SLC36A1: variants seen among roughly 807,000 people sequenced by gnomAD.
SLC36A1 encodes solute carrier family 36 member 1.
SLC36A1 carries 30 observed loss-of-function variants against 47.5 expected under a neutral mutation model. The observed-to-expected ratio is 0.63, with a 90% CI of 0.47 to 0.86. SLC36A1 has a LOEUF of 0.86. SLC36A1 is among the 40% of genes least tolerant of loss of function. The probability of loss-of-function intolerance (pLI) is 0.00; values close to 1 mark genes in which losing one functional copy is unlikely to be tolerated. For missense variants in SLC36A1, 517 were observed against 606.0 expected, an observed-to-expected ratio of 0.85 and a Z score of 1.54; for synonymous variants, 255 against 249.7, an observed-to-expected ratio of 1.02 and a Z score of -0.20.
the SLC36A1 span, among the ~76,000 whole-genome samples, chr5:151,515,544 T>G: frequency 1.3e-5 from 2 of 152,168 alleles, no homozygotes; most frequent in African/African-American, 4.8e-5. Context: ...TCCCCAAACC[T>G]TGTATCCACC....
At chr5:151,534,701 G>T in the SLC36A1 span, 1 of 1,453,028 alleles carries the variant, frequency 6.9e-7, no homozygotes, top group Non-Finnish European at 9.6e-7. Flanking sequence ...CCAAGCATGT[G>T]CCCTCTATAT....
At chr5:151,387,106 G>A in the SLC36A1 span, 1 of 152,320 alleles carries the variant, frequency 6.6e-6, no homozygotes, top group African/African-American at 2.4e-5. Context: ...AGTCTACCAT[G>A]AGGGTTCAGC....
the SLC36A1 span, among the ~76,000 whole-genome samples, chr5:151,383,641 C>T: frequency 3.4e-5 from 5 of 145,762 alleles, no homozygotes; most frequent in Non-Finnish European, 5.9e-5. Context: ...GGCACCATCT[C>T]GGCTCACTGC....
chr5:151,393,022 C>A, the SLC36A1 span, among the ~76,000 whole-genome samples: 4 of 151,596 alleles, frequency 2.6e-5, no homozygotes, highest in African/African-American at 7.3e-5. Flanking sequence ...TCCCATTATT[C>A]TTGTGTGGGA....
the SLC36A1 span, chr5:151,550,733 T>C: frequency 6.2e-7 from 1 of 1,614,196 alleles, no homozygotes; most frequent in East Asian, 2.2e-5. Context: ...ATGAGGCTTT[T>C]GCCCTTGTCT....
intron 7 of SLC36A1, among the ~76,000 whole-genome samples, chr5:151,468,251 C>CAA (rs1214176868): frequency 0.037 from 1,139 of 31,168 alleles, 106 homozygotes; most frequent in South Asian, 0.053. Flanking sequence ...GACTCTGTCT[C>CAA]AAAAAAAAAA....
At chr5:151,534,898 T>C in the SLC36A1 span, among the ~76,000 whole-genome samples, 3 of 149,844 alleles carry the variant, frequency 2.0e-5, no homozygotes, top group African/African-American at 7.3e-5. Flanking sequence ...ATATTCTTAA[T>C]GGCCAATTAG....
chr5:151,421,252 C>CT, the SLC36A1 span, among the ~76,000 whole-genome samples: 22 of 116,458 alleles, frequency 1.9e-4, no homozygotes, highest in Non-Finnish European at 2.4e-4. Context: ...TCTCTTTCTT[C>CT]TTTTTTTTTT....
upstream of SLC36A1, among the ~76,000 whole-genome samples, chr5:151,433,221 CATATATATATATATATATATATATATAT>C (rs1370126169): frequency 8.8e-3 from 152 of 17,354 alleles, 3 homozygotes; most frequent in East Asian, 0.039. Context: ...TTCTGAATAA[CATATATATATATATATATATATATATAT>C]ATATATATAT....
the SLC36A1 span, chr5:151,553,124 G>A: frequency 2.6e-6 from 4 of 1,545,566 alleles, no homozygotes; most frequent in Admixed American, 1.7e-5. Flanking sequence ...ACTAGAGCTG[G>A]TGTATAAGGA....
the SLC36A1 span, among the ~76,000 whole-genome samples, chr5:151,403,402 G>A: frequency 7.4e-3 from 1,125 of 152,122 alleles, 19 homozygotes; most frequent in African/African-American, 0.026. Context: ...CCATCCCCTT[G>A]GTACTACTAT....
At chr5:151,504,646 A>C in the SLC36A1 span, 1 of 152,676 alleles carries the variant, frequency 6.5e-6, no homozygotes, top group East Asian at 1.9e-4. Flanking sequence ...AATCCCATTG[A>C]GGAAACTCAT....
chr5:151,459,047 A>T, intron 2 of SLC36A1, 112 bp downstream of exon 2: 1 of 1,207,294 alleles, frequency 8.3e-7, no homozygotes. Flanking sequence ...GATGAAGGTC[A>T]GCAGTGAAGA....
At chr5:151,413,589 G>A in the SLC36A1 span, among the ~76,000 whole-genome samples, 1 of 151,868 alleles carries the variant, frequency 6.6e-6, no homozygotes, top group Non-Finnish European at 1.5e-5. Context: ...TTTTACTGAT[G>A]GTCACATAAC....
the SLC36A1 span, chr5:151,507,068 A>G: frequency 8.1e-7 from 1 of 1,234,242 alleles, no homozygotes; most frequent in East Asian, 2.3e-5. Context: ...GTAGCTAAAA[A>G]TGCCTGTGCC....
chr5:151,520,932 CAG>C, the SLC36A1 span, among the ~76,000 whole-genome samples: 1 of 152,192 alleles, frequency 6.6e-6, no homozygotes, highest in Admixed American at 6.5e-5. Flanking sequence ...CTCAAAGGCA[CAG>C]AGAGGTTAAT....
At position 151,479,655 on chromosome 5, in the gene SLC36A1, G is replaced by A. The variant is rs1029938843; in HGVS notation, c.1159+166G>A. On this transcript the variant is annotated intron_variant, in intron 10 of 10. Transcript: ENST00000243389. Reference sequence around the variant, plus strand: ...CAGAGTTGAGGCACCTCCAGATGGGGAAGTGAATTAATTACATATGTACTG... The same window carrying A: ...CAGAGTTGAGGCACCTCCAGATGGGAAAGTGAATTAATTACATATGTACTG... 5 of 658,126 alleles carry A rather than the reference G, an allele frequency of 7.6e-6. No individual in the cohort carries two copies. In the Admixed American group the frequency reaches 1.5e-4, roughly 19 times the overall value. 40.8% of individuals were successfully genotyped at this position (658,126 alleles called of 1,614,324 possible). A position where few individuals can be genotyped will look rare whatever the true frequency, so the allele number is the denominator to read the frequency against.
chr5:151,404,279 A>G, the SLC36A1 span, among the ~76,000 whole-genome samples: 4 of 152,084 alleles, frequency 2.6e-5, no homozygotes, highest in Non-Finnish European at 4.4e-5. Context: ...ACCTTTCTCC[A>G]TCTCTTTACT....
the SLC36A1 span, chr5:151,542,301 G>A: frequency 6.2e-7 from 1 of 1,601,808 alleles, no homozygotes; most frequent in Non-Finnish European, 8.5e-7. Context: ...TGTAGCAGGT[G>A]ACCTGCCTGT....
Sources: gnomAD v4.1 joint callset for allele counts (sites outside exome capture counted in the v4.1 genomes callset) on GRCh38, gnomAD v4.1.1 for gene constraint, MANE v1.5 for transcripts, NCBI Gene and HGNC (gene_info 2026-07-23, HGNC 2026-07-21) for gene names.